Variants in EML4 observed in about 807,000 individuals in gnomAD.
EML4 encodes echinoderm microtubule-associated protein-like 4.
Under a neutral mutation model 129.0 loss-of-function variants are expected in EML4, and 72 were observed. That is an observed-to-expected ratio of 0.56 (90% confidence interval 0.46 to 0.68). EML4 has a LOEUF of 0.68. EML4 is among the 30% of genes least tolerant of loss of function. EML4 has a pLI of 0.00. For missense variants in EML4, 1,363 were observed against 1,190.6 expected (o/e 1.14, Z -2.13); for synonymous variants, 532 against 405.0 (o/e 1.31, Z -3.77).
chr2:42,269,305 A>G (rs1191508148), intron 6 of EML4, among the ~76,000 whole-genome samples: 1 of 152,158 alleles, frequency 6.6e-6, no homozygotes, highest in African/African-American at 2.4e-5. Flanking sequence ...GAAAGGAAAA[A>G]CCCTGAATAA....
At chr2:42,257,169 CAGCAATATA>C (rs1558546790) in intron 3 of EML4, among the ~76,000 whole-genome samples, 1 of 151,882 alleles carries the variant, frequency 6.6e-6, no homozygotes, top group African/African-American at 2.4e-5. Context: ...TGTGGAATTA[CAGCAATATA>C]AGTTTCAGTG....
chr2:42,210,586 C>T (rs921308193), intron 1 of EML4, among the ~76,000 whole-genome samples: 1 of 152,170 alleles, frequency 6.6e-6, no homozygotes, highest in Non-Finnish European at 1.5e-5. Flanking sequence ...TGCTTCACTT[C>T]TTGAAGACAG....
In EML4 at chr2:42,288,493, T is replaced by C. The variant is rs528296396; in HGVS notation, c.1218+171T>C. On this transcript the variant is annotated intron_variant, in intron 11 of 22. Coordinates refer to ENST00000318522, the MANE Select transcript of EML4 (RefSeq NM_019063.5). ...CATAATCGTTAAGATATTAACACTA[T>C]AGTTATACAAGATAAAATAGTCAAG... 8.3e-5 allele frequency: 32 copies of C among 383,574 alleles called. No individual in the cohort carries two copies. The South Asian group carries it at 9.8e-4, about 12-fold the overall frequency. The allele number at this position is 383,574 out of a possible 1,614,324, so 23.8% of individuals were successfully genotyped here.
At chr2:42,299,703 T>C (rs1259020012) in intron 13 of EML4, among the ~76,000 whole-genome samples, 1 of 152,196 alleles carries the variant, frequency 6.6e-6, no homozygotes, top group Non-Finnish European at 1.5e-5. Flanking sequence ...TTTGTTTGTT[T>C]TTTGAGATGG....
chr2:42,256,864 T>C (rs1267582153), intron 3 of EML4, among the ~76,000 whole-genome samples: 1 of 152,178 alleles, frequency 6.6e-6, no homozygotes, highest in Non-Finnish European at 1.5e-5. Context: ...AAGAAAGCAG[T>C]TTCATTTCCT....
intron 9 of EML4, among the ~76,000 whole-genome samples, chr2:42,285,586 C>CTTTT (rs70963307): frequency 6.9e-6 from 1 of 145,926 alleles, no homozygotes; most frequent in Non-Finnish European, 1.5e-5. Flanking sequence ...CTGACTCCAC[C>CTTTT]TTTTTTTTTT....
At chr2:42,255,265 T>A (rs1363608952) in intron 2 of EML4, among the ~76,000 whole-genome samples, 1 of 151,880 alleles carries the variant, frequency 6.6e-6, no homozygotes, top group Admixed American at 6.6e-5. Flanking sequence ...TTTTGTATTT[T>A]TAGTAGATAC....
chr2:42,303,608 A>G lies in EML4; in HGVS notation c.1899+162A>G, dbSNP rs539412988. 3.5e-4 allele frequency among the ~76,000 whole-genome samples: 54 copies of G among 152,336 alleles called. 1 individual carries two copies. The highest frequency in any genetic ancestry group is 1.3e-3 in the African/African-American group (52 of 41,574). ...ATAAGAGGGTAGCGTTTAGTCTTAA[A>G]GTGTGAACATGAACCGATTTTAAAG... On this transcript the variant is annotated intron_variant, in intron 16 of 22. Transcript: ENST00000318522.
intron 6 of EML4, among the ~76,000 whole-genome samples, chr2:42,272,558 C>T (rs1011422497): frequency 6.6e-6 from 1 of 152,118 alleles, no homozygotes; most frequent in African/African-American, 2.4e-5. Flanking sequence ...GCTGGGATTA[C>T]AGACATGAGC....
intron 1 of EML4, among the ~76,000 whole-genome samples, chr2:42,194,259 T>G (rs1480398928): frequency 6.6e-6 from 1 of 151,892 alleles, no homozygotes; most frequent in African/African-American, 2.4e-5. Flanking sequence ...TGTATATTTT[T>G]CAATTATTTT....
At chr2:42,196,841 A>G (rs996147139) in intron 1 of EML4, among the ~76,000 whole-genome samples, 1 of 152,172 alleles carries the variant, frequency 6.6e-6, no homozygotes, top group Admixed American at 6.5e-5. Flanking sequence ...AATACCTAAT[A>G]CAGTAACCAC....
At chr2:42,300,349 G>A (rs1444654647) in intron 13 of EML4, among the ~76,000 whole-genome samples, 2 of 152,150 alleles carry the variant, frequency 1.3e-5, no homozygotes, top group Non-Finnish European at 2.9e-5. Flanking sequence ...AAAGAAAAAG[G>A]TATGAGTACT....
chr2:42,241,838 G>C (rs1469203746), intron 1 of EML4, among the ~76,000 whole-genome samples: 2 of 148,468 alleles, frequency 1.3e-5, no homozygotes, highest in Admixed American at 1.3e-4. Context: ...ATTTCCTCCA[G>C]TGTAAAATAT....
intron 11 of EML4, chr2:42,289,088 G>A (rs1667473452): frequency 6.6e-6 from 1 of 152,196 alleles, no homozygotes; most frequent in African/African-American, 2.4e-5. Context: ...ATGATGTGAT[G>A]TTTAACTTAA....
At chr2:42,229,520 A>G (rs897538022) in intron 1 of EML4, among the ~76,000 whole-genome samples, 7 of 152,184 alleles carry the variant, frequency 4.6e-5, no homozygotes, top group African/African-American at 1.4e-4. Flanking sequence ...TTCATAAAGC[A>G]AGACAGATAA....
intron 1 of EML4, among the ~76,000 whole-genome samples, chr2:42,192,278 C>G (rs1379121862): frequency 6.7e-6 from 1 of 149,168 alleles, no homozygotes; most frequent in Non-Finnish European, 1.5e-5. Flanking sequence ...CCTCTGTTGC[C>G]CGTGCTGGAG....
rs1668305604 is a variant in EML4, at chr2:42,301,861, A to G, written c.1641+469A>G. Among the ~76,000 whole-genome samples, 3 of 152,194 alleles carry G rather than the reference A, an allele frequency of 2.0e-5. No homozygotes were observed. The East Asian group carries it at 5.8e-4, about 29-fold the overall frequency. On this transcript the variant is annotated intron_variant, in intron 14 of 22. Coordinates refer to ENST00000318522, the MANE Select transcript of EML4 (RefSeq NM_019063.5). ...ACCTTCAGTTCATACTGAAAATGCA[A>G]CTTCCATCACTGTTTTCTTCACAGA... is the stretch of plus-strand genomic sequence containing the variant.
chr2:42,291,441 C>A (rs1667634543), intron 11 of EML4, among the ~76,000 whole-genome samples: 1 of 145,986 alleles, frequency 6.8e-6, no homozygotes, highest in Non-Finnish European at 1.5e-5. Flanking sequence ...CATTCTGTCA[C>A]CCATGCTGGA....
At chr2:42,213,716 A>C (rs2104042353) in intron 1 of EML4, among the ~76,000 whole-genome samples, 1 of 152,356 alleles carries the variant, frequency 6.6e-6, no homozygotes, top group South Asian at 2.1e-4. Context: ...TAATGGTTTT[A>C]AAAGCATGGA....
Sources: gnomAD v4.1 joint callset for allele counts (sites outside exome capture counted in the v4.1 genomes callset) on GRCh38, gnomAD v4.1.1 for gene constraint, MANE v1.5 for transcripts, NCBI Gene and HGNC (gene_info 2026-07-23, HGNC 2026-07-21) for gene names.